Variants in PLCL1 observed in about 807,000 individuals in gnomAD.
PLCL1 encodes inactive phospholipase C-like protein 1.
A neutral mutation model predicts 84.4 loss-of-function variants in PLCL1; 41 were observed. The observed-to-expected ratio is 0.49, with a 90% confidence interval of 0.38 to 0.63. The LOEUF (loss-of-function observed/expected upper bound fraction) is 0.63. Among genes scored for constraint, PLCL1 ranks in the 30% least tolerant of loss-of-function variants. The probability of loss-of-function intolerance (pLI) is 0.00; values close to 1 mark genes in which losing one functional copy is unlikely to be tolerated. For missense variants in PLCL1, 1,206 were observed against 1,367.8 expected, an observed-to-expected ratio of 0.88 and a Z score of 1.87; for synonymous variants, 490 against 488.3, an observed-to-expected ratio of 1.00 and a Z score of -0.05.
intron 1 of PLCL1, among the ~76,000 whole-genome samples, chr2:197,901,846 T>C (rs745688577): frequency 2.2e-4 from 33 of 152,140 alleles, no homozygotes; most frequent in Non-Finnish European, 2.1e-4. Flanking sequence ...TCCAGCTTGA[T>C]ACAAAAAACT....
intron 1 of PLCL1, among the ~76,000 whole-genome samples, chr2:197,966,877 G>C (rs1242930680): frequency 3.8e-5 from 5 of 132,414 alleles, no homozygotes; most frequent in African/African-American, 1.5e-4. Flanking sequence ...TTGAGACAGA[G>C]TCTCGCTCTG....
chr2:198,004,658 T>C (rs1408409107), intron 1 of PLCL1, among the ~76,000 whole-genome samples: 4 of 152,214 alleles, frequency 2.6e-5, no homozygotes, highest in Non-Finnish European at 5.9e-5. Context: ...AGATGAGTAC[T>C]GTTACACATT....
At chr2:198,019,255 G>T (rs1691076078) in intron 1 of PLCL1, among the ~76,000 whole-genome samples, 1 of 152,212 alleles carries the variant, frequency 6.6e-6, no homozygotes, top group Admixed American at 6.5e-5. Context: ...ACCAAAGGTA[G>T]ATAAATCCAT....
chr2:198,026,591 TG>T (rs1371739920), intron 1 of PLCL1, among the ~76,000 whole-genome samples: 7 of 152,128 alleles, frequency 4.6e-5, no homozygotes, highest in African/African-American at 1.4e-4. Flanking sequence ...AGAAAAAGTA[TG>T]GAAAGGGTTT....
chr2:198,010,379 A>G (rs955212815), intron 1 of PLCL1, among the ~76,000 whole-genome samples: 1 of 152,008 alleles, frequency 6.6e-6, no homozygotes, highest in Non-Finnish European at 1.5e-5. Flanking sequence ...TCATGAAAGC[A>G]TGTTGAATTT....
chr2:198,122,523 C>T (rs527789414), intron 5 of PLCL1, among the ~76,000 whole-genome samples: 5 of 152,128 alleles, frequency 3.3e-5, no homozygotes, highest in South Asian at 4.2e-4. Flanking sequence ...CTCTCCTCCC[C>T]GGTATTCACT....
chr2:197,852,341 G>A, intron 1 of PLCL1, among the ~76,000 whole-genome samples: 1 of 152,164 alleles, frequency 6.6e-6, no homozygotes. Context: ...ACTGATCCTG[G>A]CTCTAGATTG....
intron 5 of PLCL1, among the ~76,000 whole-genome samples, chr2:198,137,188 A>T (rs926509531): frequency 1.3e-5 from 2 of 152,200 alleles, no homozygotes; most frequent in East Asian, 3.9e-4. Flanking sequence ...AAGAAAAACA[A>T]CTCTTGGCCT....
At chr2:198,031,004 A>C (rs1026272055) in intron 1 of PLCL1, among the ~76,000 whole-genome samples, 9 of 152,166 alleles carry the variant, frequency 5.9e-5, no homozygotes, top group Non-Finnish European at 1.0e-4. Context: ...GTTCCTTAAT[A>C]AAGCGCTCTA....
At position 198,085,567 on chromosome 2, in the gene PLCL1, T is replaced by G; in HGVS notation, c.2050T>G (p.Trp684Gly). 1 of 1,614,180 alleles carries G rather than the reference T, an allele frequency of 6.2e-7. No individual in the cohort carries two copies. Among genetic ancestry groups the G allele is most frequent in the Non-Finnish European group, 8.5e-7 (1 of 1,179,998 alleles). ...PGPMMDLHTGWFLQNGGCGYV... is the reference protein window; with the variant it reads ...PGPMMDLHTGGFLQNGGCGYV... The stretch of plus-strand genomic sequence containing the variant: ...TCCAATGATGGACCTTCACACGGGC[T>G]GGTTTCTTCAAAACGGGGGATGTGG... The change falls in exon 2 of 6, where the codon TGG (tryptophan) becomes GGG (glycine). Residue 684 changes from tryptophan to glycine, a missense_variant. By Grantham distance (184) the Trp-to-Gly change is radical (BLOSUM62 -2). Transcript: ENST00000428675. The surrounding 1 kb of genome is among the most constrained non-coding windows in gnomAD (Gnocchi z 5.3).
At chr2:197,951,040 TAA>T (rs1382622099) in intron 1 of PLCL1, among the ~76,000 whole-genome samples, 9 of 152,048 alleles carry the variant, frequency 5.9e-5, no homozygotes, top group Non-Finnish European at 1.3e-4. Flanking sequence ...GTGTTCTAGC[TAA>T]GAGTCTGGAG....
At position 197,805,170 on chromosome 2, in the gene PLCL1, G is replaced by T. The variant is rs1005028494; in HGVS notation, c.71G>T (p.Arg24Leu). ...GCGGCGGGGGGCGAAGACGACCCCCGAGTGGGCCCGGATGCCGCCGGGGAC... is the reference window on the plus strand; with the variant it reads ...GCGGCGGGGGGCGAAGACGACCCCCTAGTGGGCCCGGATGCCGCCGGGGAC... ...PDAAGGEDDP[R>L]VGPDAAGDCV... Residue 24 changes from arginine (R) to leucine (L), a missense_variant, in exon 1 of 6, where the codon CGA becomes CTA. Physicochemically the swap from Arg to Leu is moderately radical, Grantham distance 102. Transcript: ENST00000428675. This position sits in a 1 kb window ranked among gnomAD's most constrained non-coding sequence, Gnocchi z 4.0. The T allele has an allele frequency of 6.2e-6, 8 of 1,295,378 alleles. No individual in the cohort carries two copies. The highest frequency in any genetic ancestry group is 1.5e-5 in the African/African-American group (1 of 64,528). The allele number at this position is 1,295,378 out of a possible 1,614,324, so 80.2% of individuals were successfully genotyped here.
At chr2:197,939,598 A>G (rs545507446) in intron 1 of PLCL1, among the ~76,000 whole-genome samples, 1 of 151,900 alleles carries the variant, frequency 6.6e-6, no homozygotes, top group Admixed American at 6.6e-5. Context: ...TCCTTCCTTT[A>G]TAAGAACAAC....
intron 5 of PLCL1, among the ~76,000 whole-genome samples, chr2:198,138,681 A>G (rs1013756555): frequency 1.3e-5 from 2 of 152,166 alleles, no homozygotes; most frequent in Non-Finnish European, 2.9e-5. Context: ...TATTTTGTCC[A>G]CTTGACCATA....
intron 1 of PLCL1, among the ~76,000 whole-genome samples, chr2:198,015,252 T>C (rs1342503469): frequency 1.3e-5 from 2 of 152,148 alleles, no homozygotes; most frequent in African/African-American, 4.8e-5. Flanking sequence ...TTAGGGATAA[T>C]GAAGAAGCAT....
intron 1 of PLCL1, among the ~76,000 whole-genome samples, chr2:198,049,165 A>T (rs568911895): frequency 1.3e-5 from 2 of 152,186 alleles, no homozygotes; most frequent in African/African-American, 4.8e-5. Flanking sequence ...GCACAGGTCT[A>T]CCTGGTTTGG....
intron 1 of PLCL1, among the ~76,000 whole-genome samples, chr2:197,966,879 C>T: frequency 7.2e-6 from 1 of 139,630 alleles, no homozygotes. Flanking sequence ...GAGACAGAGT[C>T]TCGCTCTGTC....
chr2:197,931,638 C>T (rs1002042374), intron 1 of PLCL1, among the ~76,000 whole-genome samples: 2 of 151,680 alleles, frequency 1.3e-5, no homozygotes, highest in Non-Finnish European at 2.9e-5. Context: ...TCATACCAAC[C>T]TACAACCATC....
At position 198,129,733 on chromosome 2, in the gene PLCL1, C is replaced by T. The variant is rs1488364425; in HGVS notation, c.3106-17047C>T. Among the ~76,000 whole-genome samples, 5 of 152,084 alleles carry T rather than the reference C, an allele frequency of 3.3e-5. No homozygotes were observed. In the East Asian group the frequency reaches 9.7e-4, roughly 29 times the overall value. ...AAGGACTTTCAGCCCTCCTTCAGCTCATCTCCTTCCTCTTTCTATCTCCTC... is the reference window on the plus strand; with the variant it reads ...AAGGACTTTCAGCCCTCCTTCAGCTTATCTCCTTCCTCTTTCTATCTCCTC... On this transcript the variant is annotated intron_variant, in intron 5 of 5. Coordinates refer to ENST00000428675, the MANE Select transcript of PLCL1 (RefSeq NM_006226.4).
Sources: allele counts gnomAD v4.1 joint callset (sites outside exome capture counted in the v4.1 genomes callset), GRCh38; gene constraint gnomAD v4.1.1; non-coding constraint Gnocchi (gnomAD v3.1); transcripts MANE v1.5; gene names NCBI Gene and HGNC (gene_info 2026-07-23, HGNC 2026-07-21).